GRIK3: variants seen among roughly 807,000 people sequenced by gnomAD.
GRIK3 encodes glutamate ionotropic receptor kainate type subunit 3.
GRIK3 carries 29 observed loss-of-function variants against 102.5 expected under a neutral mutation model. The observed-to-expected ratio is 0.28, with a 90% CI of 0.21 to 0.39. GRIK3 has a LOEUF of 0.39. Ranked by LOEUF, GRIK3 falls within the 10% of genes least tolerant of loss-of-function variation. The pLI is 1.00. For synonymous variants in GRIK3, 511 were observed against 504.9 expected, an observed-to-expected ratio of 1.01 and a Z score of -0.16; for missense variants, 908 against 1,252.4, an observed-to-expected ratio of 0.73 and a Z score of 4.15.
rs201720566 is a variant in GRIK3, at chr1:36,918,109, C to T, written c.116-27013G>A. Among the ~76,000 whole-genome samples, 10 of 152,310 alleles carry T rather than the reference C, an allele frequency of 6.6e-5. No homozygotes were observed. The East Asian group carries it at 1.9e-3, about 29-fold the overall frequency. ...ACTCCTCTAAACCCTGCACTTTGAA[C>T]AATGCAAAGACAGGACTTTCTGTGT... On this transcript the variant is annotated intron_variant, in intron 1 of 15. Coordinates refer to ENST00000373091, the MANE Select transcript of GRIK3 (RefSeq NM_000831.4).
At position 36,802,001 on chromosome 1, in the gene GRIK3, A is replaced by G. The variant is rs145049561; in HGVS notation, c.2610T>C (p.Leu870=). 5.6e-6 allele frequency: 9 copies of G among 1,613,862 alleles called. No homozygotes were observed. Among genetic ancestry groups the G allele is most frequent in the Non-Finnish European group, 7.6e-6 (9 of 1,179,898 alleles). ...TGTGCTTGACTCGACGCTGGCAGGT[A>G]AGGGAGAAACGGATCTCATCGGCCA... ...STVADEIRFS[L]TCQRRVKHKP... Residue 870 remains leucine, a synonymous_variant, in exon 16 of 16, where the codon CTT becomes CTC. Transcript: ENST00000373091.
chr1:36,874,118 T>C (rs1259869749), intron 3 of GRIK3, among the ~76,000 whole-genome samples: 1 of 152,230 alleles, frequency 6.6e-6, no homozygotes, highest in Non-Finnish European at 1.5e-5. Flanking sequence ...AATCAACTGT[T>C]ACTCTATCTG....
chr1:36,858,948 C>A (rs894810748), intron 7 of GRIK3, among the ~76,000 whole-genome samples, 160 bp downstream of exon 7: 3 of 152,218 alleles, frequency 2.0e-5, no homozygotes, highest in Non-Finnish European at 2.9e-5. Flanking sequence ...TCCTATGGAG[C>A]CCATTTTCAC....
intron 1 of GRIK3, among the ~76,000 whole-genome samples, chr1:37,005,545 G>A (rs957839923): frequency 6.6e-6 from 1 of 152,188 alleles, no homozygotes; most frequent in Admixed American, 6.5e-5. Context: ...AGGAGGGATC[G>A]CCAGGGGCTG....
intron 1 of GRIK3, among the ~76,000 whole-genome samples, chr1:36,982,037 G>C (rs74648763): frequency 0.027 from 4,116 of 152,232 alleles, 82 homozygotes; most frequent in Non-Finnish European, 0.04. Context: ...GGCACCCAGC[G>C]CTGCTCCCAG....
At chr1:36,855,151 G>C (rs961108123) in intron 7 of GRIK3, among the ~76,000 whole-genome samples, 1 of 152,224 alleles carries the variant, frequency 6.6e-6, no homozygotes, top group Non-Finnish European at 1.5e-5. Flanking sequence ...GGGCCAGAGA[G>C]AGGGTAGGGG....
At chr1:37,005,307 A>C (rs1279077521) in intron 1 of GRIK3, among the ~76,000 whole-genome samples, 2 of 152,156 alleles carry the variant, frequency 1.3e-5, no homozygotes, top group Non-Finnish European at 2.9e-5. Context: ...CTTGCAGCCC[A>C]CTAGGGCTGA....
intron 2 of GRIK3, among the ~76,000 whole-genome samples, chr1:36,889,149 A>C (rs754039874): frequency 2.6e-5 from 4 of 152,160 alleles, no homozygotes; most frequent in South Asian, 4.1e-4. Context: ...AGGCTTGTGA[A>C]AGAAAAGTTG....
intron 1 of GRIK3, among the ~76,000 whole-genome samples, chr1:37,017,837 T>A (rs1196683930): frequency 1.3e-5 from 2 of 152,204 alleles, no homozygotes; most frequent in African/African-American, 4.8e-5. Flanking sequence ...TCTGCTCCTG[T>A]CCAGTTCAAA....
At chr1:36,971,314 T>C (rs371516622) in intron 1 of GRIK3, among the ~76,000 whole-genome samples, 2 of 152,308 alleles carry the variant, frequency 1.3e-5, no homozygotes, top group East Asian at 1.9e-4. Flanking sequence ...AGGGGAAACA[T>C]CCTTCCCATA....
chr1:36,859,321 C>T, intron 6 of GRIK3, 70 bp from the exon 7 acceptor site: 5 of 1,469,226 alleles, frequency 3.4e-6, no homozygotes, highest in Non-Finnish European at 4.6e-6. Flanking sequence ...TGCCCTGTCC[C>T]CCTTCTCCTC....
chr1:36,869,768 G>T lies in GRIK3; in HGVS notation c.766C>A (p.His256Asn). ...ATTACCAGAGTGGTGAAGATGAAGTGGTAGTACTCAGTCATCATGCCCATG... is the reference window on the plus strand; with the variant it reads ...ATTACCAGAGTGGTGAAGATGAAGTTGTAGTACTCAGTCATCATGCCCATG... Reference protein sequence around the residue: ...MAMGMMTEYYHFIFTTLDLYA... With the variant: ...MAMGMMTEYYNFIFTTLDLYA... Residue 256 changes from histidine to asparagine, a missense_variant, in exon 5 of 16, where the codon CAC (histidine) becomes AAC (asparagine). This residue lies in a region of GRIK3 where 585 missense variants were observed against 824.9 expected (regional missense o/e 0.71). Transcript: ENST00000373091. The T allele has an allele frequency of 6.2e-7, 1 of 1,612,010 alleles. No homozygotes were observed. The highest frequency in any genetic ancestry group is 8.5e-7 in the Non-Finnish European group (1 of 1,178,034).
chr1:36,841,705 T>C lies in GRIK3; in HGVS notation c.1530+31A>G, dbSNP rs766023157. 5.7e-6 allele frequency: 9 copies of C among 1,585,140 alleles called. No individual in the cohort carries two copies. The African/African-American group carries it at 8.1e-5, about 14-fold the overall frequency. ...TCTAGGCCAAGTCTCCCCAGGGTCCTGAGCCCTCCCATGCTCCCATCCATG... is the reference window on the plus strand; with the variant it reads ...TCTAGGCCAAGTCTCCCCAGGGTCCCGAGCCCTCCCATGCTCCCATCCATG... On this transcript the variant is annotated intron_variant, in intron 10 of 15. Transcript: ENST00000373091.
At chr1:36,942,973 C>A (rs1641743936) in intron 1 of GRIK3, among the ~76,000 whole-genome samples, 1 of 152,182 alleles carries the variant, frequency 6.6e-6, no homozygotes, top group Admixed American at 6.5e-5. Context: ...AAAACAATAA[C>A]AACTACATGA....
At chr1:36,854,866 C>A (rs574177781) in intron 7 of GRIK3, among the ~76,000 whole-genome samples, 2 of 152,160 alleles carry the variant, frequency 1.3e-5, no homozygotes, top group East Asian at 3.8e-4. Flanking sequence ...ACTTTACAGA[C>A]GAGGAAGCAG....
chr1:36,946,819 C>T (rs1641789820), intron 1 of GRIK3, among the ~76,000 whole-genome samples: 1 of 152,078 alleles, frequency 6.6e-6, no homozygotes, highest in South Asian at 2.1e-4. Context: ...GACACAAAAA[C>T]CAGGGCATCC....
intron 9 of GRIK3, among the ~76,000 whole-genome samples, chr1:36,842,388 G>C (rs909775230): frequency 6.6e-6 from 1 of 152,214 alleles, no homozygotes; most frequent in African/African-American, 2.4e-5. Context: ...TCTGGGGAGA[G>C]CCCAGCGATC....
intron 1 of GRIK3, among the ~76,000 whole-genome samples, chr1:37,002,670 C>CTTTT (rs57712253): frequency 5.2e-5 from 7 of 135,238 alleles, no homozygotes; most frequent in Admixed American, 7.5e-5. Flanking sequence ...TTCTTTCTTT[C>CTTTT]TTTTTTTTTT....
chr1:36,984,693 G>A (rs1282767160), intron 1 of GRIK3, among the ~76,000 whole-genome samples: 2 of 152,306 alleles, frequency 1.3e-5, no homozygotes, highest in Admixed American at 6.5e-5. Flanking sequence ...AATTCCTGTC[G>A]GAAACTGTCC....
Sources: gnomAD v4.1 joint callset for allele counts (sites outside exome capture counted in the v4.1 genomes callset) on GRCh38, gnomAD v4.1.1 for gene constraint, gnomAD v4.1.1 regional missense constraint, MANE v1.5 for transcripts, NCBI Gene and HGNC (gene_info 2026-07-23, HGNC 2026-07-21) for gene names.